KIF4A: variants seen among roughly 807,000 people sequenced by gnomAD.
KIF4A encodes kinesin family member 4A.
A neutral mutation model predicts 105.9 loss-of-function variants in KIF4A; 7 were observed. The observed-to-expected ratio is 0.07, with a 90% CI of 0.04 to 0.12. KIF4A has a LOEUF of 0.12. Ranked by LOEUF, KIF4A falls within the 10% of genes least tolerant of loss-of-function variation. KIF4A has a pLI of 1.00. For missense variants in KIF4A, 558 were observed against 929.2 expected, an observed-to-expected ratio of 0.60 and a Z score of 5.19; for synonymous variants, 281 against 331.3, an observed-to-expected ratio of 0.85 and a Z score of 1.65.
chrX:70,334,289 G>T (rs1472063759), intron 10 of KIF4A, among the ~76,000 whole-genome samples: 2 of 112,121 alleles, frequency 1.8e-5, no homozygotes, highest in African/African-American at 6.5e-5. Context: ...AGCAGGTAGA[G>T]CTCAGAAATA....
At chrX:70,364,802 G>A (rs1199581220) in intron 15 of KIF4A, among the ~76,000 whole-genome samples, 1 of 111,573 alleles carries the variant, frequency 9.0e-6, no homozygotes, top group Non-Finnish European at 1.9e-5. Context: ...GCTTGATGGG[G>A]ATGGCATTGA....
rs764770221 is a variant in KIF4A at position 70,330,186 on chromosome X, A to T, written c.925A>T (p.Met309Leu). 3.3e-5 allele frequency: 40 copies of T among 1,206,092 alleles called. No homozygotes were observed. The Admixed American group carries it at 8.4e-4, about 25-fold the overall frequency. ...TCTAGGAGGTAATAGCCATACTCTT[A>T]TGATAGCCTGTGTGAGTCCTGCTGA... is the stretch of plus-strand genomic sequence containing the variant. ...DSLGGNSHTLMIACVSPADSN... is the reference protein window; with the variant it reads ...DSLGGNSHTLLIACVSPADSN... Residue 309 changes from methionine to leucine, a missense_variant, in exon 9 of 31, where the codon ATG becomes TTG. Around this residue, in one of 2 missense-constraint regions of KIF4A, gnomAD observed 89 missense variants for 248.8 expected, o/e 0.36. Transcript: ENST00000374403.
intron 22 of KIF4A, among the ~76,000 whole-genome samples, chrX:70,397,231 G>A (rs1312958378): frequency 3.8e-5 from 4 of 106,502 alleles, no homozygotes; most frequent in Admixed American, 3.0e-4. Flanking sequence ...TTAGCCAGGC[G>A]TGGTGGCACG....
chrX:70,381,328 G>C (rs2086196759), intron 18 of KIF4A, among the ~76,000 whole-genome samples: 1 of 111,579 alleles, frequency 9.0e-6, no homozygotes, highest in African/African-American at 3.3e-5. Flanking sequence ...ACAAGGTAAG[G>C]AGCTCGAGAC....
At chrX:70,420,036 T>A in intron 30 of KIF4A, 26 bp from the exon 31 acceptor site, 1 of 1,199,096 alleles carries the variant, frequency 8.3e-7, no homozygotes, top group Non-Finnish European at 1.1e-6. Context: ...CTAAAGTCTA[T>A]TCATACCTGT....
chrX:70,392,295 A>G (rs1189156740), intron 20 of KIF4A, among the ~76,000 whole-genome samples: 2 of 111,818 alleles, frequency 1.8e-5, no homozygotes, highest in South Asian at 7.5e-4. Context: ...GGCTGGAGAG[A>G]TTTATGTTTC....
chrX:70,366,913 A>G (rs1352484121), intron 15 of KIF4A, among the ~76,000 whole-genome samples: 12 of 111,682 alleles, frequency 1.1e-4, no homozygotes, highest in African/African-American at 2.3e-4. Flanking sequence ...CTAAGGACTT[A>G]CTTTATGAAT....
chrX:70,290,609 A>C, intron 2 of KIF4A, 31 bp downstream of exon 2: 1 of 1,209,454 alleles, frequency 8.3e-7, no homozygotes, highest in Non-Finnish European at 1.1e-6. Flanking sequence ...CCTGTGTCTG[A>C]ACAGCTGGGG....
At chrX:70,292,029 T>G (rs2085763284) in intron 3 of KIF4A, among the ~76,000 whole-genome samples, 1 of 111,972 alleles carries the variant, frequency 8.9e-6, no homozygotes. Flanking sequence ...TTTTAAGATA[T>G]TAATGCAATA....
intron 7 of KIF4A, among the ~76,000 whole-genome samples, chrX:70,307,248 A>AT (rs2085831103): frequency 9.0e-6 from 1 of 110,725 alleles, no homozygotes; most frequent in Non-Finnish European, 1.9e-5. Context: ...TTCCAATGCT[A>AT]TTGTAAATGC....
intron 24 of KIF4A, among the ~76,000 whole-genome samples, 161 bp from the exon 25 acceptor site, chrX:70,404,554 T>C (rs935563736): frequency 9.0e-6 from 1 of 111,729 alleles, no homozygotes; most frequent in Non-Finnish European, 1.9e-5. Context: ...CTGAGAAACA[T>C]CCATGCTGTA....
At chrX:70,363,255 T>TAA (rs1569242232) in intron 15 of KIF4A, among the ~76,000 whole-genome samples, 26 of 108,079 alleles carry the variant, frequency 2.4e-4, no homozygotes, top group Non-Finnish European at 4.6e-4. Context: ...TTTTTTTTTT[T>TAA]AATTATACTG....
chrX:70,378,957 C>T (rs2086185967), intron 18 of KIF4A, among the ~76,000 whole-genome samples: 1 of 109,041 alleles, frequency 9.2e-6, no homozygotes, highest in Admixed American at 1.0e-4. Flanking sequence ...GAGATCGAGA[C>T]CATCCTGGCT....
At chrX:70,357,187 G>A (rs1462361523) in intron 15 of KIF4A, among the ~76,000 whole-genome samples, 3 of 111,215 alleles carry the variant, frequency 2.7e-5, no homozygotes, top group Admixed American at 1.9e-4. Flanking sequence ...GGTGGCGGGC[G>A]CCTGTAGTCC....
At chrX:70,345,189 C>T (rs755149008) in intron 13 of KIF4A, among the ~76,000 whole-genome samples, 1 of 112,151 alleles carries the variant, frequency 8.9e-6, no homozygotes, top group East Asian at 2.8e-4. Flanking sequence ...TTCATCTGGG[C>T]GCAGTAGCTC....
intron 28 of KIF4A, among the ~76,000 whole-genome samples, chrX:70,417,054 A>G (rs1481879950): frequency 8.9e-6 from 1 of 112,975 alleles, no homozygotes; most frequent in African/African-American, 3.2e-5. Context: ...AATACTGAGC[A>G]ACTACACTTA....
intron 18 of KIF4A, 27 bp from the exon 19 acceptor site, chrX:70,386,591 A>G: frequency 8.9e-7 from 1 of 1,119,264 alleles, no homozygotes; most frequent in South Asian, 1.8e-5. Context: ...CTGAACAGCA[A>G]TTAATATCTG....
At chrX:70,375,486 A>G in intron 17 of KIF4A, 138 bp downstream of exon 17, 1 of 625,176 alleles carries the variant, frequency 1.6e-6, no homozygotes, top group Non-Finnish European at 2.5e-6. Flanking sequence ...AATCTCCACA[A>G]ATGTCCCTTT....
At position 70,410,006 on chromosome X, in the gene KIF4A, C is replaced by T. The variant is rs528278991; in HGVS notation, c.3255+2931C>T. ...TATTTACTATTAGTGATAAATCCTA[C>T]GTCTAAAACAATGAGGAATTACTGT... On this transcript the variant is annotated intron_variant, in intron 28 of 30. Transcript: ENST00000374403. Among the ~76,000 whole-genome samples, 19 of 111,346 alleles carry T rather than the reference C, an allele frequency of 1.7e-4. No homozygotes were observed. In the South Asian group the frequency reaches 6.5e-3, roughly 38 times the overall value.
Sources: gnomAD v4.1 joint callset for allele counts (sites outside exome capture counted in the v4.1 genomes callset) on GRCh38, gnomAD v4.1.1 for gene constraint, gnomAD v4.1.1 regional missense constraint, MANE v1.5 for transcripts, NCBI Gene and HGNC (gene_info 2026-07-23, HGNC 2026-07-21) for gene names.